Variants in LINGO2 observed in about 807,000 individuals in gnomAD.
LINGO2 encodes the protein leucine rich repeat and Ig domain containing 2, also known as leucine-rich repeat and immunoglobulin-like domain-containing nogo receptor-interacting protein 2.
Under a neutral mutation model 30.6 loss-of-function variants are expected in LINGO2, and 14 were observed. That is an observed-to-expected ratio of 0.46 (90% CI 0.30 to 0.72). The LOEUF is 0.72. Ranked by LOEUF, LINGO2 falls within the 30% of genes least tolerant of loss-of-function variation. LINGO2 has a pLI of 0.07. For synonymous variants in LINGO2, 317 were observed against 288.5 expected, an observed-to-expected ratio of 1.10 and a Z score of -1.00; for missense variants, 729 against 751.7, an observed-to-expected ratio of 0.97 and a Z score of 0.35.
chr9:28,089,602 A>G (rs1271744256), intron 4 of LINGO2, among the ~76,000 whole-genome samples: 2 of 152,194 alleles, frequency 1.3e-5, no homozygotes, highest in African/African-American at 4.8e-5. Context: ...AAGGCCCACA[A>G]GAGAAAGCAG....
chr9:28,309,023 G>T (rs1037830727), intron 3 of LINGO2, among the ~76,000 whole-genome samples: 1 of 152,082 alleles, frequency 6.6e-6, no homozygotes, highest in Non-Finnish European at 1.5e-5. Flanking sequence ...AGTCAGTGTG[G>T]CAATTCCTCA....
rs117163259 is a variant in LINGO2, at chr9:28,441,314, A to G, written c.-279+34626T>C. Among the ~76,000 whole-genome samples the G allele has an allele frequency of 4.3e-3, 452 of 104,616 alleles. 5 individuals carry two copies. In the East Asian group the frequency reaches 0.071, roughly 16 times the overall value. The allele number at this position is 104,616 out of a possible 152,430, so 68.6% of individuals were successfully genotyped here. ...TGGTGAATTAGCCCATTCTCTCTTC[A>G]GGAAGTTTATATATTAAACTAACTT... is the stretch of plus-strand genomic sequence containing the variant. On this transcript the variant is annotated intron_variant, in intron 2 of 5. Transcript: ENST00000379992.
chr9:28,048,231 A>T (rs990489712), intron 4 of LINGO2, among the ~76,000 whole-genome samples: 3 of 150,988 alleles, frequency 2.0e-5, no homozygotes, highest in Non-Finnish European at 4.4e-5. Context: ...CAATGTAATA[A>T]TCCACAGAAG....
chr9:29,015,865 A>G, the LINGO2 span, among the ~76,000 whole-genome samples: 2 of 152,142 alleles, frequency 1.3e-5, no homozygotes, highest in African/African-American at 4.8e-5. Context: ...TCAGTCTAGA[A>G]TCTTTTATTT....
the LINGO2 span, among the ~76,000 whole-genome samples, chr9:28,956,197 C>T: frequency 6.6e-6 from 1 of 151,846 alleles, no homozygotes; most frequent in Non-Finnish European, 1.5e-5. Context: ...TGCTATTCAC[C>T]ATTATGAAGA....
the LINGO2 span, among the ~76,000 whole-genome samples, chr9:29,080,918 T>A: frequency 6.6e-6 from 1 of 152,084 alleles, no homozygotes; most frequent in Non-Finnish European, 1.5e-5. Flanking sequence ...GAAGACTGTA[T>A]ATACTGTTGA....
intron 1 of LINGO2, among the ~76,000 whole-genome samples, chr9:28,621,307 A>T (rs1437160990): frequency 2.6e-5 from 4 of 152,110 alleles, no homozygotes; most frequent in Admixed American, 2.6e-4. Context: ...GGTATAATTA[A>T]GTAAGTCATA....
the LINGO2 span, among the ~76,000 whole-genome samples, chr9:28,764,460 CATGATAA>C: frequency 6.6e-6 from 1 of 151,820 alleles, no homozygotes; most frequent in Non-Finnish European, 1.5e-5. Context: ...AACATCCTTT[CATGATAA>C]AAGTGCTTAA....
At chr9:29,198,568 T>C in the LINGO2 span, among the ~76,000 whole-genome samples, 3 of 152,132 alleles carry the variant, frequency 2.0e-5, no homozygotes, top group African/African-American at 7.2e-5. Context: ...CTAAGACCAG[T>C]GTTGTAGGAG....
At chr9:29,074,939 G>T in the LINGO2 span, among the ~76,000 whole-genome samples, 2 of 151,852 alleles carry the variant, frequency 1.3e-5, no homozygotes, top group Non-Finnish European at 2.9e-5. Context: ...GCCTCCCAAA[G>T]TGCTGGGATT....
chr9:28,044,650 CAAG>C (rs1824335964), intron 4 of LINGO2, among the ~76,000 whole-genome samples: 1 of 151,932 alleles, frequency 6.6e-6, no homozygotes, highest in Admixed American at 6.6e-5. Context: ...CTAAGTCAAG[CAAG>C]AAGAGGAAAC....
At chr9:28,009,224 G>A (rs1221200179) in intron 5 of LINGO2, among the ~76,000 whole-genome samples, 2 of 150,862 alleles carry the variant, frequency 1.3e-5, no homozygotes, top group Non-Finnish European at 2.9e-5. Flanking sequence ...AACTTCATAT[G>A]ATACACACAA....
intron 4 of LINGO2, among the ~76,000 whole-genome samples, chr9:28,082,679 T>C (rs1332253985): frequency 6.6e-6 from 1 of 152,188 alleles, no homozygotes; most frequent in Non-Finnish European, 1.5e-5. Flanking sequence ...AACTACGTTC[T>C]ATTCTCCACT....
chr9:27,995,650 A>C (rs182273941), intron 5 of LINGO2, among the ~76,000 whole-genome samples: 14 of 152,322 alleles, frequency 9.2e-5, no homozygotes, highest in Non-Finnish European at 1.8e-4. Context: ...GCACTTGACT[A>C]AATTTTACAT....
At chr9:27,941,710 A>C in the LINGO2 span, 1 of 152,228 alleles carries the variant, frequency 6.6e-6, no homozygotes, top group Non-Finnish European at 1.5e-5. Context: ...CATTCCCTCA[A>C]GTACGAAAGG....
chr9:28,766,458 A>AC, the LINGO2 span, among the ~76,000 whole-genome samples: 507 of 151,300 alleles, frequency 3.4e-3, 4 homozygotes, highest in South Asian at 0.014. Flanking sequence ...AAAAAAAAAA[A>AC]CCCTTGTACA....
At chr9:28,217,209 G>A (rs1178179745) in intron 4 of LINGO2, among the ~76,000 whole-genome samples, 1 of 151,110 alleles carries the variant, frequency 6.6e-6, no homozygotes, top group East Asian at 1.9e-4. Context: ...TTTTTATGTA[G>A]TTTATTTTTT....
At chr9:28,111,564 T>C (rs1173617620) in intron 4 of LINGO2, among the ~76,000 whole-genome samples, 1 of 152,126 alleles carries the variant, frequency 6.6e-6, no homozygotes, top group Non-Finnish European at 1.5e-5. Flanking sequence ...ATAATCCAAG[T>C]GAATGTGGCT....
chr9:28,480,837 T>C (rs1006543178), intron 1 of LINGO2, among the ~76,000 whole-genome samples: 3 of 152,104 alleles, frequency 2.0e-5, no homozygotes, highest in African/African-American at 4.8e-5. Context: ...AGAGGGTTAA[T>C]TGACTTTCCT....
Sources: allele counts gnomAD v4.1 joint callset (sites outside exome capture counted in the v4.1 genomes callset), GRCh38; gene constraint gnomAD v4.1.1; transcripts MANE v1.5; gene names NCBI Gene and HGNC (gene_info 2026-07-23, HGNC 2026-07-21).